Variants in MBD5 observed in about 807,000 individuals in gnomAD.
The protein encoded by MBD5 is methyl-CpG binding domain protein 5.
In MBD5, 13 loss-of-function variants were observed where a neutral mutation model predicts 117.3. That is an observed-to-expected ratio of 0.11 (90% confidence interval 0.07 to 0.18). The LOEUF (loss-of-function observed/expected upper bound fraction) is 0.18, where lower values mean the gene tolerates loss of function less well. MBD5 is among the 10% of genes least tolerant of loss of function. The pLI, the probability that MBD5 is intolerant of heterozygous loss-of-function variation, is 1.00. For missense variants in MBD5, 1,879 were observed against 2,093.8 expected, an observed-to-expected ratio of 0.90 and a Z score of 2.00; for synonymous variants, 727 against 766.4, an observed-to-expected ratio of 0.95 and a Z score of 0.85.
intron 4 of MBD5, 120 bp downstream of exon 4, chr2:148,342,456 C>T (rs538398023): frequency 4.6e-5 from 7 of 151,838 alleles, no homozygotes; most frequent in Admixed American, 6.6e-5. Flanking sequence ...CTGTATTTCT[C>T]CAAAGTTAGG....
intron 1 of MBD5, among the ~76,000 whole-genome samples, chr2:148,104,201 A>G (rs776260980): frequency 6.6e-6 from 1 of 152,156 alleles, no homozygotes; most frequent in Non-Finnish European, 1.5e-5. Context: ...TCACTGGACC[A>G]TAAGACTGTT....
chr2:148,239,932 T>C (rs1221435652), intron 3 of MBD5, among the ~76,000 whole-genome samples: 1 of 152,116 alleles, frequency 6.6e-6, no homozygotes, highest in Non-Finnish European at 1.5e-5. Flanking sequence ...ACCCAAAGGA[T>C]TATAAATCAT....
At chr2:148,229,074 T>C (rs887499647) in intron 2 of MBD5, among the ~76,000 whole-genome samples, 11 of 152,284 alleles carry the variant, frequency 7.2e-5, no homozygotes, top group Non-Finnish European at 8.8e-5. Context: ...CTGGATTCAT[T>C]GATTTTTTTG....
At chr2:148,247,662 A>ACC (rs70992200) in intron 3 of MBD5, among the ~76,000 whole-genome samples, 1 of 151,678 alleles carries the variant, frequency 6.6e-6, no homozygotes, top group Non-Finnish European at 1.5e-5. Flanking sequence ...AACAATTAAC[A>ACC]GTCTTTTCCT....
chr2:148,273,285 T>C (rs78820400), intron 3 of MBD5, among the ~76,000 whole-genome samples: 19,310 of 152,176 alleles, frequency 0.13, 1,472 homozygotes, highest in Non-Finnish European at 0.18. Flanking sequence ...AACAGTCTCT[T>C]CCTGAAGCTA....
chr2:148,140,939 T>A (rs530852979), intron 1 of MBD5, among the ~76,000 whole-genome samples: 12 of 152,036 alleles, frequency 7.9e-5, no homozygotes, highest in African/African-American at 2.7e-4. Flanking sequence ...CTAATTTTTT[T>A]ATTTTTTACA....
At chr2:148,111,219 G>A (rs983662647) in intron 1 of MBD5, among the ~76,000 whole-genome samples, 1 of 152,186 alleles carries the variant, frequency 6.6e-6, no homozygotes. Context: ...TTAGCCAGAA[G>A]ACTAAATTTC....
At chr2:148,438,796 C>G (rs6650766) in intron 4 of MBD5, among the ~76,000 whole-genome samples, 7,340 of 152,168 alleles carry the variant, frequency 0.048, 324 homozygotes, top group Admixed American at 0.096. Context: ...AATGTGTGTC[C>G]AAGTTCTCGA....
chr2:148,276,214 G>T (rs191811570), intron 3 of MBD5, among the ~76,000 whole-genome samples: 2 of 152,220 alleles, frequency 1.3e-5, no homozygotes, highest in Non-Finnish European at 2.9e-5. Context: ...TAGCTACTTG[G>T]GGGGCTGAGG....
At chr2:148,119,232 G>A (rs190384001) in intron 1 of MBD5, among the ~76,000 whole-genome samples, 6 of 151,988 alleles carry the variant, frequency 3.9e-5, no homozygotes, top group African/African-American at 1.2e-4. Flanking sequence ...ATGGTATCTC[G>A]TTGTTTTGAT....
chr2:148,294,506 T>TTTTTTTTTTTGTTTTG (rs1701595434), intron 3 of MBD5, among the ~76,000 whole-genome samples: 2 of 130,688 alleles, frequency 1.5e-5, no homozygotes, highest in African/African-American at 3.0e-5. Context: ...TTACAGTTTT[T>TTTTTTTTTTTGTTTTG]TTTTTTTTTT....
chr2:148,071,862 AG>A (rs1279384251), intron 1 of MBD5: 1 of 152,236 alleles, frequency 6.6e-6, no homozygotes, highest in African/African-American at 2.4e-5. Context: ...TGAGAACATA[AG>A]AATAAGAATG....
At chr2:148,357,175 C>G (rs1703401699) in intron 4 of MBD5, among the ~76,000 whole-genome samples, 1 of 152,188 alleles carries the variant, frequency 6.6e-6, no homozygotes, top group African/African-American at 2.4e-5. Flanking sequence ...ACATGAGACA[C>G]TGTTTAAAAT....
intron 4 of MBD5, among the ~76,000 whole-genome samples, chr2:148,394,545 G>GTTTTTTTTTTTTTTTCTTTTTTTTTTTT (rs1704652766): frequency 8.2e-6 from 1 of 121,854 alleles, no homozygotes; most frequent in Non-Finnish European, 1.7e-5. Context: ...CTGTACTTTG[G>GTTTTTTTTTTTTTTTCTTTTTTTTTTTT]TTTTTTTTTT....
At chr2:148,115,557 G>A (rs1696615840) in intron 1 of MBD5, among the ~76,000 whole-genome samples, 3 of 151,978 alleles carry the variant, frequency 2.0e-5, no homozygotes, top group Admixed American at 1.3e-4. Flanking sequence ...CTCCTTTAGC[G>A]AATTTTCTAT....
intron 1 of MBD5, among the ~76,000 whole-genome samples, chr2:148,153,885 A>T (rs1344833716): frequency 1.0e-5 from 1 of 95,808 alleles, no homozygotes; most frequent in African/African-American, 3.9e-5. Context: ...TTTGGTTTGA[A>T]TGTCCTCCCG....
At chr2:148,404,022 G>T (rs1214866885) in intron 4 of MBD5, among the ~76,000 whole-genome samples, 3 of 151,842 alleles carry the variant, frequency 2.0e-5, no homozygotes, top group Admixed American at 6.6e-5. Context: ...CAACATAATT[G>T]CCTGGAGGTT....
At position 148,052,217 on chromosome 2, in the gene MBD5, T is replaced by G. The variant is rs1694728501; in HGVS notation, c.-925+30533T>G. ...AAGACTGTTATTGAGTTTTTTTTTTTTTTTTTTTTTGAGATGGAGTCTCAC... is the reference window on the plus strand; with the variant it reads ...AAGACTGTTATTGAGTTTTTTTTTTGTTTTTTTTTTGAGATGGAGTCTCAC... On this transcript the variant is annotated intron_variant, in intron 1 of 13. Coordinates refer to ENST00000642680, the MANE Select transcript of MBD5 (RefSeq NM_001378120.1). Among the ~76,000 whole-genome samples, 5 of 138,608 alleles carry G rather than the reference T, an allele frequency of 3.6e-5. 1 individual carries two copies. Among genetic ancestry groups the G allele is most frequent in the Non-Finnish European group, 6.3e-5 (4 of 63,488 alleles). The allele number at this position is 138,608 out of a possible 152,430, so 90.9% of individuals were successfully genotyped here.
chr2:148,221,709 G>T (rs1414160448), intron 2 of MBD5, among the ~76,000 whole-genome samples: 1 of 151,858 alleles, frequency 6.6e-6, no homozygotes, highest in Non-Finnish European at 1.5e-5. Context: ...ATTCTTTGTG[G>T]TGTCTCTTCA....
Sources: gnomAD v4.1 joint callset for allele counts (sites outside exome capture counted in the v4.1 genomes callset) on GRCh38, gnomAD v4.1.1 for gene constraint, MANE v1.5 for transcripts, NCBI Gene and HGNC (gene_info 2026-07-23, HGNC 2026-07-21) for gene names.